The following ME3 variants were observed in gnomAD, a reference collection of about 807,000 sequenced individuals.
ME3 encodes the protein NADP-dependent malic enzyme, mitochondrial.
In ME3, 48 loss-of-function variants were observed where a neutral mutation model predicts 68.9. The ratio of observed to expected loss-of-function variants is 0.70; its 90% CI spans 0.55 to 0.89. ME3 has a LOEUF of 0.89. Ranked by LOEUF, ME3 falls within the 40% of genes least tolerant of loss-of-function variation. The pLI is 0.00. For missense variants in ME3, 675 were observed against 797.4 expected, an observed-to-expected ratio of 0.85 and a Z score of 1.85; for synonymous variants, 320 against 318.8, an observed-to-expected ratio of 1.00 and a Z score of -0.04.
chr11:86,650,330 C>A (rs1222185127), intron 2 of ME3, among the ~76,000 whole-genome samples: 1 of 152,104 alleles, frequency 6.6e-6, no homozygotes, highest in Non-Finnish European at 1.5e-5. Context: ...AATATTTAAA[C>A]ATAAGACCTA....
At chr11:86,484,208 T>G (rs1951568074) in intron 7 of ME3, among the ~76,000 whole-genome samples, 1 of 152,142 alleles carries the variant, frequency 6.6e-6, no homozygotes, top group Non-Finnish European at 1.5e-5. Context: ...GGTGGAGCTT[T>G]TTATTAGCAG....
chr11:86,515,276 T>TA (rs1953811650), intron 4 of ME3, among the ~76,000 whole-genome samples: 1 of 152,230 alleles, frequency 6.6e-6, no homozygotes, highest in South Asian at 2.1e-4. Context: ...TTTTTGAGTA[T>TA]CTCTGTTCCA....
chr11:86,484,389 C>T (rs992018540), intron 7 of ME3, among the ~76,000 whole-genome samples: 1 of 152,166 alleles, frequency 6.6e-6, no homozygotes, highest in Non-Finnish European at 1.5e-5. Context: ...GCTCATTCCC[C>T]ACCTACAGTA....
At position 86,586,749 on chromosome 11, in the gene ME3, G is replaced by GA. The variant is rs200207801; in HGVS notation, c.184-26927dup. 1.5e-3 allele frequency among the ~76,000 whole-genome samples: 224 copies of GA among 152,286 alleles called. 7 individuals are homozygous for GA. The East Asian group carries it at 0.04, about 27-fold the overall frequency. ...TAAAAGGATGGGGGAAAACAGCTCT[G>GA]AAAATGGTTTTAGGGAAAGAAAGGA... On this transcript the variant is annotated intron_variant, in intron 2 of 14. Transcript: ENST00000543262.
intron 2 of ME3, among the ~76,000 whole-genome samples, chr11:86,607,687 G>T (rs1961907280): frequency 8.7e-6 from 1 of 114,418 alleles, no homozygotes; most frequent in Non-Finnish European, 1.7e-5. Flanking sequence ...CTAGAGATAG[G>T]GAAGTCGGTG....
chr11:86,440,790 C>A (rs535272918), downstream of ME3, among the ~76,000 whole-genome samples: 1 of 152,270 alleles, frequency 6.6e-6, no homozygotes, highest in South Asian at 2.1e-4. Context: ...TGACTCCCAC[C>A]CATCTTTTCC....
chr11:86,487,573 C>G (rs1030267857), intron 6 of ME3, 133 bp from the exon 7 acceptor site: 4 of 669,214 alleles, frequency 6.0e-6, no homozygotes, highest in Non-Finnish European at 1.0e-5. Context: ...GTAACTGGAT[C>G]CCCCCCGCCC....
At chr11:86,462,608 G>A (rs994329954) in intron 8 of ME3, 1 of 1,287,904 alleles carries the variant, frequency 7.8e-7, no homozygotes. Flanking sequence ...GTTTGTATGT[G>A]TAGACATCAT....
At chr11:86,595,707 C>G (rs962295672) in intron 2 of ME3, among the ~76,000 whole-genome samples, 6 of 152,206 alleles carry the variant, frequency 3.9e-5, no homozygotes, top group African/African-American at 1.4e-4. Context: ...CAGGCCCTCA[C>G]TATTTCTACT....
rs182413109 is a variant in ME3, at chr11:86,671,662, G to A, written c.183+100C>T. On this transcript the variant is annotated intron_variant, in intron 2 of 14. Coordinates refer to ENST00000543262, the Ensembl canonical transcript of ME3. ...GGCAAAAACAGAAAAACCGCTGGAAGGGCGCCCGGGAGGATCCTTTCTGGG... is the reference window on the plus strand; with the variant it reads ...GGCAAAAACAGAAAAACCGCTGGAAAGGCGCCCGGGAGGATCCTTTCTGGG... The A allele has an allele frequency of 2.7e-5, 40 of 1,460,370 alleles. No individual in the cohort carries two copies. In the African/African-American group the frequency reaches 5.6e-4, roughly 20 times the overall value. 90.5% of individuals were successfully genotyped at this position (1,460,370 alleles called of 1,614,324 possible).
chr11:86,611,925 CTCT>C (rs111799640), intron 2 of ME3, among the ~76,000 whole-genome samples: 59,292 of 151,874 alleles, frequency 0.39, 12,223 homozygotes, highest in East Asian at 0.7. Flanking sequence ...CTTTGGTTTA[CTCT>C]TTTTTTATTT....
At chr11:86,607,712 A>AATATATAT (rs10539253) in intron 2 of ME3, among the ~76,000 whole-genome samples, 2 of 147,702 alleles carry the variant, frequency 1.4e-5, no homozygotes, top group African/African-American at 4.9e-5. Flanking sequence ...TTTTAAAAGA[A>AATATATAT]ATATATATAT....
At chr11:86,526,952 G>C (rs1488628644) in intron 4 of ME3, among the ~76,000 whole-genome samples, 2 of 152,208 alleles carry the variant, frequency 1.3e-5, no homozygotes, top group East Asian at 3.8e-4. Flanking sequence ...CTAAAAATCA[G>C]AGTGCCTCTC....
chr11:86,649,058 A>T (rs1248001111), intron 2 of ME3, among the ~76,000 whole-genome samples: 2 of 152,308 alleles, frequency 1.3e-5, no homozygotes, highest in Admixed American at 6.5e-5. Flanking sequence ...TCAATGCAAA[A>T]ATTCTTAATT....
At chr11:86,612,950 T>C (rs1411354013) in intron 2 of ME3, among the ~76,000 whole-genome samples, 1 of 152,206 alleles carries the variant, frequency 6.6e-6, no homozygotes, top group Non-Finnish European at 1.5e-5. Context: ...TATGTTGCAA[T>C]TGCTTTTGGT....
intron 4 of ME3, among the ~76,000 whole-genome samples, chr11:86,548,965 T>C (rs1225083631): frequency 6.6e-6 from 1 of 152,164 alleles, no homozygotes; most frequent in Non-Finnish European, 1.5e-5. Flanking sequence ...CAAAGTGTGG[T>C]CCCTGGCCAG....
At chr11:86,586,291 T>C (rs542939591) in intron 2 of ME3, among the ~76,000 whole-genome samples, 1 of 152,200 alleles carries the variant, frequency 6.6e-6, no homozygotes, top group Non-Finnish European at 1.5e-5. Flanking sequence ...GAGCAATGGC[T>C]GGAAAAAGTG....
chr11:86,668,288 C>A (rs1016867095), intron 2 of ME3: 2 of 152,060 alleles, frequency 1.3e-5, no homozygotes, highest in African/African-American at 4.8e-5. Flanking sequence ...TTTTCAAAAA[C>A]TTTTTGTTAC....
At chr11:86,525,825 G>A (rs1223375210) in intron 4 of ME3, among the ~76,000 whole-genome samples, 1 of 146,360 alleles carries the variant, frequency 6.8e-6, no homozygotes, top group African/African-American at 2.6e-5. Context: ...TCGTGCCATT[G>A]CACTCCAGCC....
Sources: allele counts gnomAD v4.1 joint callset (sites outside exome capture counted in the v4.1 genomes callset), GRCh38; gene constraint gnomAD v4.1.1; transcripts MANE v1.5; gene names NCBI Gene and HGNC (gene_info 2026-07-23, HGNC 2026-07-21).